Variants in ALK observed in about 807,000 individuals in gnomAD.
The protein encoded by ALK is ALK receptor tyrosine kinase.
A neutral mutation model predicts 163.1 loss-of-function variants in ALK; 74 were observed. The observed-to-expected ratio is 0.45, with a 90% confidence interval of 0.38 to 0.55. The LOEUF (loss-of-function observed/expected upper bound fraction) is 0.55, where lower values mean the gene tolerates loss of function less well. ALK is among the 20% of genes least tolerant of loss of function. The probability of loss-of-function intolerance (pLI) is 0.00; values close to 1 mark genes in which losing one functional copy is unlikely to be tolerated. For synonymous variants in ALK, 960 were observed against 843.2 expected (o/e 1.14, Z -2.40); for missense variants, 2,063 against 2,105.3 (o/e 0.98, Z 0.39).
chr2:29,776,523 A>C (rs900113924), intron 1 of ALK, among the ~76,000 whole-genome samples: 1 of 152,200 alleles, frequency 6.6e-6, no homozygotes, highest in African/African-American at 2.4e-5. Flanking sequence ...CCTCTCGCTC[A>C]TGGCAAATGG....
At chr2:29,332,859 T>C (rs764568354) in intron 5 of ALK, among the ~76,000 whole-genome samples, 9 of 152,256 alleles carry the variant, frequency 5.9e-5, no homozygotes, top group South Asian at 2.1e-4. Flanking sequence ...ATTATTTTCA[T>C]AGGATAGATT....
intron 4 of ALK, among the ~76,000 whole-genome samples, chr2:29,440,971 G>A (rs1670525282): frequency 6.6e-6 from 1 of 152,156 alleles, no homozygotes; most frequent in South Asian, 2.1e-4. Context: ...ACTCCTGTGT[G>A]CCTCCAGGCT....
chr2:29,545,985 A>C (rs1323620433), intron 3 of ALK, among the ~76,000 whole-genome samples: 1 of 152,234 alleles, frequency 6.6e-6, no homozygotes, highest in African/African-American at 2.4e-5. Context: ...TTCCCTAGAA[A>C]TAATATATAT....
intron 11 of ALK, among the ~76,000 whole-genome samples, chr2:29,268,846 CCT>C (rs2148210622): frequency 6.6e-6 from 1 of 152,262 alleles, no homozygotes; most frequent in Admixed American, 6.5e-5. Flanking sequence ...TCTTTCTGAT[CCT>C]CTGTTTCCTC....
At chr2:29,591,070 C>CAAAAAAAA (rs35070273) in intron 3 of ALK, among the ~76,000 whole-genome samples, 1 of 46,910 alleles carries the variant, frequency 2.1e-5, no homozygotes, top group African/African-American at 8.6e-5. Context: ...GACTCCGTCT[C>CAAAAAAAA]AAAAAAAAAA....
chr2:29,414,873 T>C (rs919893358), intron 4 of ALK, among the ~76,000 whole-genome samples: 1 of 151,970 alleles, frequency 6.6e-6, no homozygotes, highest in South Asian at 2.1e-4. Context: ...GAGTCTATAA[T>C]TGGGATCCTC....
At chr2:29,265,303 C>T (rs1324566200) in intron 11 of ALK, among the ~76,000 whole-genome samples, 1 of 152,162 alleles carries the variant, frequency 6.6e-6, no homozygotes, top group East Asian at 1.9e-4. Flanking sequence ...CAGGCATGAG[C>T]CACTGTGCCT....
intron 1 of ALK, among the ~76,000 whole-genome samples, chr2:29,798,549 G>A (rs1336950987): frequency 2.6e-5 from 4 of 152,194 alleles, no homozygotes; most frequent in East Asian, 3.8e-4. Context: ...CCCGCTCCTC[G>A]CATCCAGGTC....
At chr2:29,241,695 T>C (rs1368901396) in intron 12 of ALK, among the ~76,000 whole-genome samples, 1 of 152,030 alleles carries the variant, frequency 6.6e-6, no homozygotes, top group East Asian at 1.9e-4. Context: ...AGCTGAGGGC[T>C]GTAGGTTTGG....
chr2:29,326,596 G>C (rs912217616), intron 6 of ALK, among the ~76,000 whole-genome samples: 8 of 152,188 alleles, frequency 5.3e-5, no homozygotes, highest in Non-Finnish European at 1.5e-5. Flanking sequence ...TACGAGAAAG[G>C]CCAGGAGCGG....
intron 4 of ALK, among the ~76,000 whole-genome samples, chr2:29,388,963 C>A (rs1558303087): frequency 6.6e-6 from 1 of 152,218 alleles, no homozygotes; most frequent in Admixed American, 6.5e-5. Context: ...CTCTCAGAAT[C>A]CTCCAAAGGC....
In ALK at chr2:29,920,072, C is replaced by G. The variant is rs781350285; in HGVS notation, c.588G>C (p.Ser196=). ...ACAGCCTTCCCTCTCTGCCCACTTC[C>G]GACGCCTTCTTCTCGGGCATCAGGC... ...RIRLMPEKKA[S]EVGREGRLSA... Residue 196 remains serine (S), a synonymous_variant, in exon 1 of 29, where the codon TCG becomes TCC. Coordinates refer to ENST00000389048, the MANE Select transcript of ALK (RefSeq NM_004304.5). 6.2e-7 allele frequency: 1 copy of G among 1,614,084 alleles called. No homozygotes were observed. Among genetic ancestry groups the G allele is most frequent in the African/African-American group, 1.3e-5 (1 of 74,954 alleles).
chr2:29,716,768 T>C (rs565959585), intron 2 of ALK, among the ~76,000 whole-genome samples: 1 of 152,162 alleles, frequency 6.6e-6, no homozygotes, highest in South Asian at 2.1e-4. Flanking sequence ...TCAAAGAACA[T>C]GTTTGGGAAA....
At chr2:29,678,279 T>C (rs1022360079) in intron 3 of ALK, among the ~76,000 whole-genome samples, 1 of 151,866 alleles carries the variant, frequency 6.6e-6, no homozygotes, top group Non-Finnish European at 1.5e-5. Context: ...TTCTTACTAC[T>C]GCTTTTTTAT....
Position 29,210,215 on chromosome 2 carries a change from C to T in ALK, c.3744-337G>A, listed in dbSNP as rs1669427334. On this transcript the variant is annotated intron_variant, in intron 24 of 28. Coordinates refer to ENST00000389048, the MANE Select transcript of ALK (RefSeq NM_004304.5). ...CTTCATATCTAACTCTCACAACAAC[C>T]TTATAAGACACAAGGTGCTATTACT... Among the ~76,000 whole-genome samples, 3 of 152,066 alleles carry T rather than the reference C, an allele frequency of 2.0e-5. No homozygotes were observed. In the South Asian group the frequency reaches 6.2e-4, roughly 32 times the overall value.
At chr2:29,854,175 A>G (rs1666080276) in intron 1 of ALK, among the ~76,000 whole-genome samples, 1 of 149,750 alleles carries the variant, frequency 6.7e-6, no homozygotes, top group East Asian at 2.0e-4. Context: ...GGCCTTCGCT[A>G]TCACACTAGC....
At chr2:29,323,142 G>A (rs541346523) in intron 6 of ALK, among the ~76,000 whole-genome samples, 1 of 152,306 alleles carries the variant, frequency 6.6e-6, no homozygotes, top group Non-Finnish European at 1.5e-5. Context: ...GTAAAATGGG[G>A]CAGTATTAGT....
At chr2:29,800,007 A>G (rs965306822) in intron 1 of ALK, among the ~76,000 whole-genome samples, 2 of 152,210 alleles carry the variant, frequency 1.3e-5, no homozygotes, top group African/African-American at 2.4e-5. Flanking sequence ...AAAGCTCCGG[A>G]CTCCAAGTAG....
At chr2:29,207,338 G>T in intron 25 of ALK, 66 bp from the exon 26 acceptor site, 1 of 1,207,574 alleles carries the variant, frequency 8.3e-7, no homozygotes, top group Non-Finnish European at 1.2e-6. Context: ...GCCCTGCTGG[G>T]AAAGTTGAGA....
Sources: allele counts gnomAD v4.1 joint callset (sites outside exome capture counted in the v4.1 genomes callset), GRCh38; gene constraint gnomAD v4.1.1; transcripts MANE v1.5; gene names NCBI Gene and HGNC (gene_info 2026-07-23, HGNC 2026-07-21).